Variants in WDR41 observed in about 807,000 individuals in gnomAD.
WDR41 encodes WD repeat-containing protein 41.
WDR41 carries 63 observed loss-of-function variants against 69.3 expected under a neutral mutation model. The observed-to-expected ratio is 0.91, with a 90% CI of 0.74 to 1.12. The LOEUF (loss-of-function observed/expected upper bound fraction) is 1.12. Ranked by LOEUF, WDR41 falls within the 50% of genes most tolerant of loss-of-function variation. The probability of loss-of-function intolerance (pLI) is 0.00; values close to 1 mark genes in which losing one functional copy is unlikely to be tolerated. For synonymous variants in WDR41, 185 were observed against 192.1 expected, an observed-to-expected ratio of 0.96 and a Z score of 0.31; for missense variants, 543 against 534.5, an observed-to-expected ratio of 1.02 and a Z score of -0.16.
At chr5:77,464,072 A>C (rs1800182374) in intron 3 of WDR41, among the ~76,000 whole-genome samples, 1 of 152,082 alleles carries the variant, frequency 6.6e-6, no homozygotes, top group African/African-American at 2.4e-5. Context: ...TGTAATATTA[A>C]GTCAAACATG....
chr5:77,438,204 G>C, intron 10 of WDR41, 36 bp downstream of exon 10: 1 of 1,612,536 alleles, frequency 6.2e-7, no homozygotes, highest in South Asian at 1.1e-5. Flanking sequence ...ACTGTGACTT[G>C]CTTTCATCTA....
Position 77,593,853 on chromosome 5 carries a change from T to C in WDR41, c.42+26626A>G, listed in dbSNP as rs529590494. The stretch of plus-strand genomic sequence containing the variant: ...TCATAAGTGCTTATACTCCTGCTAA[T>C]TGGCATTCAAACAGACAATTAGAGC... On this transcript the variant is annotated intron_variant, in intron 1 of 5. Coordinates refer to the WDR41 transcript ENST00000509971. Among the ~76,000 whole-genome samples, 5 of 152,264 alleles carry C rather than the reference T, an allele frequency of 3.3e-5. No individual in the cohort carries two copies. In the East Asian group the frequency reaches 7.7e-4, roughly 23 times the overall value.
At chr5:77,559,285 A>G (rs1468441455) in intron 1 of WDR41, among the ~76,000 whole-genome samples, 1 of 152,246 alleles carries the variant, frequency 6.6e-6, no homozygotes, top group African/African-American at 2.4e-5. Context: ...GATACAAAAG[A>G]TAGATGTAAA....
chr5:77,504,103 A>G (rs1323700183), intron 1 of WDR41, among the ~76,000 whole-genome samples: 1 of 152,102 alleles, frequency 6.6e-6, no homozygotes, highest in East Asian at 1.9e-4. Context: ...CTTTTTGAAA[A>G]GATCAACAAA....
Position 77,433,063 on chromosome 5 carries a change from T to G in WDR41, c.*72A>C. On this transcript the variant is annotated 3_prime_UTR_variant, in exon 13 of 13. Transcript: ENST00000296679. ...ATTACCAATTTAAGTGATCAATATA[T>G]TAATGGTTTTCAGAGTAGTACCCGA... 1 of 1,461,020 alleles carries G rather than the reference T, an allele frequency of 6.8e-7. No individual in the cohort carries two copies. The highest frequency in any genetic ancestry group is 9.1e-7 in the Non-Finnish European group (1 of 1,095,288). The allele number at this position is 1,461,020 out of a possible 1,614,324, so 90.5% of individuals were successfully genotyped here. A position where few individuals can be genotyped will look rare whatever the true frequency, so the allele number is the denominator to read the frequency against.
upstream of WDR41, among the ~76,000 whole-genome samples, chr5:77,495,171 T>C (rs1039757425): frequency 6.6e-6 from 1 of 151,896 alleles, no homozygotes; most frequent in African/African-American, 2.4e-5. Context: ...AATGTCTACA[T>C]TAAAAAAGAA....
intron 1 of WDR41, among the ~76,000 whole-genome samples, chr5:77,490,356 C>T (rs1801718614): frequency 1.3e-5 from 2 of 152,102 alleles, no homozygotes; most frequent in African/African-American, 4.8e-5. Context: ...AATAGAACTG[C>T]CCCTCTGCAA....
At chr5:77,540,391 C>G (rs1229388831) in intron 1 of WDR41, 2 of 152,190 alleles carry the variant, frequency 1.3e-5, no homozygotes, top group African/African-American at 4.8e-5. Flanking sequence ...ATAAGCTATG[C>G]TACCCAGGCC....
intron 1 of WDR41, among the ~76,000 whole-genome samples, chr5:77,534,946 C>T (rs1563830): frequency 0.49 from 74,729 of 152,066 alleles, 19,662 homozygotes; most frequent in African/African-American, 0.69. Context: ...TAAGACTCAA[C>T]AGTTTAAAGA....
At position 77,472,247 on chromosome 5, in the gene WDR41, T is replaced by C. The variant is rs538140602; in HGVS notation, c.168-7438A>G. ...AACTCTTCATGCTAAAAACTCTCAATAAATTAGGTATGGATGGGACATATC... is the reference window on the plus strand; with the variant it reads ...AACTCTTCATGCTAAAAACTCTCAACAAATTAGGTATGGATGGGACATATC... On this transcript the variant is annotated intron_variant, in intron 2 of 12. Transcript: ENST00000296679. 5.6e-4 allele frequency among the ~76,000 whole-genome samples: 86 copies of C among 152,260 alleles called. 1 individual carries two copies. The highest frequency in any genetic ancestry group is 6.5e-4 in the Non-Finnish European group (44 of 68,028).
chr5:77,455,254 T>C lies in WDR41; in HGVS notation c.412-1326A>G, dbSNP rs114670377. 2.0e-3 allele frequency among the ~76,000 whole-genome samples: 302 copies of C among 152,372 alleles called. 1 individual carries two copies. Among genetic ancestry groups the C allele is most frequent in the Non-Finnish European group, 3.7e-3 (255 of 68,034 alleles). On this transcript the variant is annotated intron_variant, in intron 5 of 12. Transcript: ENST00000296679. ...CTAATGATGTTGAACCTCTTTTTCA[T>C]GTGCTTATTTGCTATTTGTTTATCT...
chr5:77,579,084 T>C (rs1460824941), intron 1 of WDR41, among the ~76,000 whole-genome samples: 2 of 151,762 alleles, frequency 1.3e-5, no homozygotes, highest in Non-Finnish European at 2.9e-5. Context: ...GTAAATCAAC[T>C]GAGATTATGT....
At position 77,463,108 on chromosome 5, in the gene WDR41, T is replaced by C. The variant is rs144519784; in HGVS notation, c.335A>G (p.Asp112Gly). ...ATTAAAGGATACAATAACTGTTCTA[T>C]CAGCAGAGGCTGTCAAGATGAGTTG... Reference protein sequence around the residue: ...KNQLILTASADRTVIVWDGDT... With the variant: ...KNQLILTASAGRTVIVWDGDT... Residue 112 changes from aspartate (D) to glycine (G), a missense_variant, in exon 4 of 13, where the codon GAT (aspartate) becomes GGT (glycine). Physicochemically the swap from Asp to Gly is moderately conservative, Grantham distance 94. Transcript: ENST00000296679. 8.4e-4 allele frequency: 1,351 copies of C among 1,611,738 alleles called. 2 individuals carry two copies. Among genetic ancestry groups the C allele is most frequent in the Non-Finnish European group, 1.0e-3 (1,231 of 1,179,090 alleles).
chr5:77,543,790 C>A (rs756591559), intron 1 of WDR41, among the ~76,000 whole-genome samples: 46 of 152,004 alleles, frequency 3.0e-4, no homozygotes, highest in Non-Finnish European at 5.0e-4. Context: ...CATCCAAATA[C>A]AAGAAGTACA....
At chr5:77,441,821 T>C (rs1260898368) in intron 8 of WDR41, among the ~76,000 whole-genome samples, 1 of 152,000 alleles carries the variant, frequency 6.6e-6, no homozygotes, top group Non-Finnish European at 1.5e-5. Flanking sequence ...ACAGGTTTAT[T>C]ATACTTGATA....
At chr5:77,582,482 A>C (rs1554037658) in intron 1 of WDR41, 2 of 1,601,442 alleles carry the variant, frequency 1.2e-6, no homozygotes, top group Non-Finnish European at 1.7e-6. Flanking sequence ...CTGAGAAAGA[A>C]GTTTGCCCAA....
chr5:77,572,323 C>A (rs1743748485), intron 1 of WDR41, among the ~76,000 whole-genome samples: 1 of 152,162 alleles, frequency 6.6e-6, no homozygotes, highest in Admixed American at 6.6e-5. Flanking sequence ...GAATCAAGGT[C>A]TTTTGGCTCC....
chr5:77,453,903 T>A lies in WDR41; in HGVS notation c.437A>T (p.Asp146Val), dbSNP rs1463602184. Residue 146 changes from aspartate (D) to valine (V), a missense_variant, in exon 6 of 13, where the codon GAT becomes GTT. Transcript: ENST00000296679. ...GTCATTCCCACCAGAAAGCCAAACA[T>A]CTAGTCTCTGAAGAACAGTTAAACA... is the stretch of plus-strand genomic sequence containing the variant. ...VKCLTVLQRL[D>V]VWLSGGNDLC... is the part of the protein sequence containing the mutation. 1.2e-6 allele frequency: 2 copies of A among 1,613,960 alleles called. No homozygotes were observed. Among genetic ancestry groups the A allele is most frequent in the African/African-American group, 1.3e-5 (1 of 74,922 alleles).
chr5:77,529,890 A>C (rs1355795108), intron 1 of WDR41, among the ~76,000 whole-genome samples: 1 of 151,752 alleles, frequency 6.6e-6, no homozygotes, highest in East Asian at 1.9e-4. Flanking sequence ...TGTAGACCTA[A>C]GCACAAAAAA....
Sources: gnomAD v4.1 joint callset for allele counts (sites outside exome capture counted in the v4.1 genomes callset) on GRCh38, gnomAD v4.1.1 for gene constraint, MANE v1.5 for transcripts, NCBI Gene and HGNC (gene_info 2026-07-23, HGNC 2026-07-21) for gene names.